ASPH: variants seen among roughly 807,000 people sequenced by gnomAD.
The protein encoded by ASPH is aspartate beta-hydroxylase, also known as aspartyl/asparaginyl beta-hydroxylase.
ASPH carries 100 observed loss-of-function variants against 118.4 expected under a neutral mutation model. The observed-to-expected ratio is 0.84, with a 90% CI of 0.72 to 1.00. The LOEUF is 1.00. Among genes scored for constraint, ASPH ranks in the 50% least tolerant of loss-of-function variants. The probability of loss-of-function intolerance (pLI) is 0.00; values close to 1 mark genes in which losing one functional copy is unlikely to be tolerated. For missense variants in ASPH, 920 were observed against 919.5 expected (o/e 1.00, Z -0.01); for synonymous variants, 315 against 325.6 (o/e 0.97, Z 0.35).
chr8:61,554,711 GT>G (rs201410659), intron 19 of ASPH, among the ~76,000 whole-genome samples: 3 of 151,702 alleles, frequency 2.0e-5, no homozygotes, highest in Admixed American at 6.6e-5. Flanking sequence ...GTCTTGCTCT[GT>G]TTTTTTTGTT....
In ASPH at chr8:61,646,308, C is replaced by T. The variant is rs561290852; in HGVS notation, c.619+442G>A. Among the ~76,000 whole-genome samples the T allele has an allele frequency of 3.9e-5, 6 of 152,306 alleles. No homozygotes were observed. The South Asian group carries it at 1.2e-3, about 32-fold the overall frequency. On this transcript the variant is annotated intron_variant, in intron 6 of 24. Transcript: ENST00000379454. ...CGATCCAGAAAACCTGAAATATTTA[C>T]TCTCTGGCTATTTACAAAAAAAAGT...
chr8:61,506,799 G>C (rs1806751612), intron 24 of ASPH, among the ~76,000 whole-genome samples: 1 of 152,086 alleles, frequency 6.6e-6, no homozygotes, highest in Admixed American at 6.5e-5. Context: ...GTTGGGAAGT[G>C]GTATGTTATC....
intron 18 of ASPH, among the ~76,000 whole-genome samples, chr8:61,557,471 G>A (rs1828289835): frequency 6.6e-6 from 1 of 152,088 alleles, no homozygotes; most frequent in South Asian, 2.1e-4. Context: ...CCCACAGCAA[G>A]CTCCCTTACC....
intron 3 of ASPH, among the ~76,000 whole-genome samples, chr8:61,673,516 CAG>C (rs1293631346): frequency 1.3e-5 from 2 of 152,282 alleles, no homozygotes; most frequent in South Asian, 2.1e-4. Context: ...GCCTGTTCCA[CAG>C]AGTTTCTCAA....
intron 3 of ASPH, among the ~76,000 whole-genome samples, chr8:61,670,039 CT>C (rs983268923): frequency 6.6e-6 from 1 of 152,034 alleles, no homozygotes; most frequent in Non-Finnish European, 1.5e-5. Flanking sequence ...TCATCTTATG[CT>C]TTTCTGAACT....
chr8:61,562,389 C>CTGTGTGTGTGTGTGTG (rs150312211), intron 18 of ASPH, among the ~76,000 whole-genome samples: 2 of 128,994 alleles, frequency 1.6e-5, no homozygotes, highest in African/African-American at 2.8e-5. Flanking sequence ...GAAAGTGTGT[C>CTGTGTGTGTGTGTGTG]TGTGTGTGTG....
At chr8:61,526,827 G>A (rs958940291) in intron 21 of ASPH, among the ~76,000 whole-genome samples, 17 of 152,080 alleles carry the variant, frequency 1.1e-4, no homozygotes, top group Admixed American at 8.5e-4. Flanking sequence ...CACACTGGGT[G>A]TTGATTAGGA....
At chr8:61,584,321 A>G (rs1236765957) in intron 14 of ASPH, among the ~76,000 whole-genome samples, 4 of 152,238 alleles carry the variant, frequency 2.6e-5, no homozygotes, top group African/African-American at 7.2e-5. Flanking sequence ...TGGGATGTAA[A>G]TGGTGGGTAT....
At chr8:61,529,581 C>A (rs1367399005) in intron 21 of ASPH, among the ~76,000 whole-genome samples, 1 of 152,104 alleles carries the variant, frequency 6.6e-6, no homozygotes, top group Non-Finnish European at 1.5e-5. Flanking sequence ...TAAGCACAAA[C>A]CAAGGAATCA....
Position 61,714,591 on chromosome 8 carries a change from C to T in ASPH, c.-220G>A. Reference sequence around the variant, plus strand: ...CGGCCTCGCGTGTACGAACCTGTGACTCCCTCCCGGGGCGAGAGCGCGCGG... The same window carrying T: ...CGGCCTCGCGTGTACGAACCTGTGATTCCCTCCCGGGGCGAGAGCGCGCGG... On this transcript the variant is annotated 5_prime_UTR_variant, in exon 1 of 25. Coordinates refer to ENST00000379454, the MANE Select transcript of ASPH (RefSeq NM_004318.4). The T allele has an allele frequency of 3.4e-6, 2 of 590,140 alleles. No individual in the cohort carries two copies. The highest frequency in any genetic ancestry group is 1.2e-4 in the South Asian group (2 of 16,774). The allele number at this position is 590,140 out of a possible 1,614,324, so 36.6% of individuals were successfully genotyped here. A position where few individuals can be genotyped will look rare whatever the true frequency, so the allele number is the denominator to read the frequency against.
intron 21 of ASPH, among the ~76,000 whole-genome samples, chr8:61,537,351 C>G (rs1269509722): frequency 6.6e-6 from 1 of 152,116 alleles, no homozygotes; most frequent in African/African-American, 2.4e-5. Context: ...AAACAAATTG[C>G]CTATAATGTG....
intron 18 of ASPH, among the ~76,000 whole-genome samples, chr8:61,561,442 G>A (rs1829941080): frequency 6.6e-6 from 1 of 152,120 alleles, no homozygotes; most frequent in South Asian, 2.1e-4. Context: ...TGTTATAAAA[G>A]CAAAGGTCTT....
At chr8:61,655,310 A>G (rs1338906931) in intron 3 of ASPH, among the ~76,000 whole-genome samples, 1 of 152,152 alleles carries the variant, frequency 6.6e-6, no homozygotes, top group Non-Finnish European at 1.5e-5. Context: ...CTCTACTCCT[A>G]TGTACCAGAG....
Position 61,697,438 on chromosome 8 carries a change from A to G in ASPH, c.104-13250T>C, listed in dbSNP as rs114664649. Among the ~76,000 whole-genome samples the G allele has an allele frequency of 3.4e-3, 517 of 152,272 alleles. 2 individuals carry two copies. The highest frequency in any genetic ancestry group is 0.021 in the Middle Eastern group (6 of 292). Reference sequence around the variant, plus strand: ...CACCAGCTGGCTGTCCTCTAATTCAATTCAGTTCTGACACTATCTACTTGC... The same window carrying G: ...CACCAGCTGGCTGTCCTCTAATTCAGTTCAGTTCTGACACTATCTACTTGC... On this transcript the variant is annotated intron_variant, in intron 1 of 24. Coordinates refer to ENST00000379454, the MANE Select transcript of ASPH (RefSeq NM_004318.4).
In ASPH at chr8:61,651,003, A is replaced by G. The variant is rs140652554; in HGVS notation, c.490+47T>C. 823 of 1,517,992 alleles carry G rather than the reference A, an allele frequency of 5.4e-4. 2 individuals carry two copies. In the African/African-American group the frequency reaches 1.0e-2, roughly 18 times the overall value. 94.0% of individuals were successfully genotyped at this position (1,517,992 alleles called of 1,614,324 possible). A position where few individuals can be genotyped will look rare whatever the true frequency, so the allele number is the denominator to read the frequency against. ...ATGTCCAAGTCATTTTACATAACTA[A>G]GCGTTATTTTAGTAACTCAAAACAA... On this transcript the variant is annotated intron_variant, in intron 5 of 24. Transcript: ENST00000379454.
intron 6 of ASPH, among the ~76,000 whole-genome samples, chr8:61,645,646 A>G (rs1382997399): frequency 6.6e-6 from 1 of 152,214 alleles, no homozygotes; most frequent in Non-Finnish European, 1.5e-5. Context: ...ATAGATGTTC[A>G]AAAGGATTGT....
chr8:61,691,574 T>C (rs1172380316), intron 1 of ASPH, among the ~76,000 whole-genome samples: 2 of 152,154 alleles, frequency 1.3e-5, no homozygotes, highest in Admixed American at 1.3e-4. Flanking sequence ...GGAGGGAGAA[T>C]GACAGCAACA....
At chr8:61,615,960 C>A (rs889986901) in intron 14 of ASPH, among the ~76,000 whole-genome samples, 1 of 152,120 alleles carries the variant, frequency 6.6e-6, no homozygotes, top group African/African-American at 2.4e-5. Context: ...ATAAAAAATA[C>A]ATGGAATTTC....
At chr8:61,644,828 T>G (rs1807079778) in intron 6 of ASPH, among the ~76,000 whole-genome samples, 196 bp from the exon 7 acceptor site, 1 of 152,172 alleles carries the variant, frequency 6.6e-6, no homozygotes, top group Non-Finnish European at 1.5e-5. Context: ...CACATTCTCC[T>G]TCTCAGTCCA....
Sources: gnomAD v4.1 joint callset for allele counts (sites outside exome capture counted in the v4.1 genomes callset) on GRCh38, gnomAD v4.1.1 for gene constraint, MANE v1.5 for transcripts, NCBI Gene and HGNC (gene_info 2026-07-23, HGNC 2026-07-21) for gene names.